FOXO1: variants seen among roughly 807,000 people sequenced by gnomAD.
FOXO1 encodes the protein forkhead box protein O1.
FOXO1 carries 6 observed loss-of-function variants against 44.1 expected under a neutral mutation model. That is an observed-to-expected ratio of 0.14 (90% CI 0.07 to 0.27). FOXO1 has a LOEUF of 0.27. Among genes scored for constraint, FOXO1 ranks in the 10% least tolerant of loss-of-function variants. FOXO1 has a pLI of 1.00. For synonymous variants in FOXO1, 380 were observed against 362.7 expected (o/e 1.05, Z -0.54); for missense variants, 737 against 888.8 (o/e 0.83, Z 2.17).
chr13:40,576,966 AAAAGGAAATT>A (rs1398802706), intron 1 of FOXO1, among the ~76,000 whole-genome samples: 1 of 152,230 alleles, frequency 6.6e-6, no homozygotes, highest in Non-Finnish European at 1.5e-5. Context: ...TTGAACAGCT[AAAAGGAAATT>A]AAAGGAAATA....
chr13:40,620,532 G>T, intron 1 of FOXO1: 1 of 448,280 alleles, frequency 2.2e-6, no homozygotes, highest in South Asian at 2.5e-5. Flanking sequence ...AACCACTAGA[G>T]AGAAGCTCTG....
chr13:40,663,319 A>G (rs1039574806), intron 1 of FOXO1, among the ~76,000 whole-genome samples: 1 of 152,254 alleles, frequency 6.6e-6, no homozygotes, highest in Non-Finnish European at 1.5e-5. Flanking sequence ...TTAAAAACCT[A>G]AATCTTAAAA....
Position 40,666,311 on chromosome 13 carries a change from T to C in FOXO1, c.-99A>G. ...GGGGGCGCGAAGGGACGGTCCGAGA[T>C]TTGGGGGAACGAAGCCGGTGCGGCG... On this transcript the variant is annotated 5_prime_UTR_variant, in exon 1 of 3. Transcript: ENST00000379561. 9.9e-7 allele frequency: 1 copy of C among 1,009,144 alleles called. No individual in the cohort carries two copies. The allele number at this position is 1,009,144 out of a possible 1,614,324, so 62.5% of individuals were successfully genotyped here.
At chr13:40,629,064 A>G (rs1876877755) in intron 1 of FOXO1, among the ~76,000 whole-genome samples, 1 of 152,216 alleles carries the variant, frequency 6.6e-6, no homozygotes, top group Non-Finnish European at 1.5e-5. Flanking sequence ...TGAATTCAAC[A>G]AGGGATTGAA....
rs1337065755 is a variant in FOXO1, at chr13:40,666,343, C to T, written c.-131G>A. 7.1e-6 allele frequency: 5 copies of T among 707,552 alleles called. No homozygotes were observed. The highest frequency in any genetic ancestry group is 1.0e-5 in the Non-Finnish European group (5 of 484,194). The allele number at this position is 707,552 out of a possible 1,614,324, so 43.8% of individuals were successfully genotyped here. ...GAACGAAGCCGGTGCGGCGAGCGGA[C>T]GGAAACTGGGAGGAAGGCGCGGCGG... On this transcript the variant is annotated 5_prime_UTR_variant, in exon 1 of 3. Transcript: ENST00000379561.
intron 1 of FOXO1, among the ~76,000 whole-genome samples, chr13:40,628,555 C>T (rs767471096): frequency 1.1e-4 from 17 of 152,102 alleles, no homozygotes; most frequent in Non-Finnish European, 7.4e-5. Flanking sequence ...TTTTTGTTCA[C>T]GCTACTACCA....
intron 1 of FOXO1, among the ~76,000 whole-genome samples, chr13:40,627,558 CGTG>C (rs1876825256): frequency 6.6e-6 from 1 of 152,018 alleles, no homozygotes; most frequent in Admixed American, 6.6e-5. Context: ...CCTGGCCAAG[CGTG>C]GTGGCTCATG....
At chr13:40,597,682 G>A (rs1593393755) in intron 1 of FOXO1, among the ~76,000 whole-genome samples, 1 of 152,300 alleles carries the variant, frequency 6.6e-6, no homozygotes, top group East Asian at 1.9e-4. Flanking sequence ...ATTCAGGGCA[G>A]AAAGTAATGG....
At chr13:40,580,595 A>ATAT (rs1874918170) in intron 1 of FOXO1, among the ~76,000 whole-genome samples, 1 of 152,156 alleles carries the variant, frequency 6.6e-6, no homozygotes, top group South Asian at 2.1e-4. Context: ...GCACTTATAA[A>ATAT]TATTAGATAT....
intron 1 of FOXO1, among the ~76,000 whole-genome samples, chr13:40,616,065 G>T (rs1876413016): frequency 1.3e-5 from 2 of 152,218 alleles, no homozygotes. Context: ...AGTGGAAGGG[G>T]TAAGAAGTAA....
intron 1 of FOXO1, among the ~76,000 whole-genome samples, chr13:40,582,315 G>A (rs1490914414): frequency 6.6e-6 from 1 of 152,186 alleles, no homozygotes; most frequent in Non-Finnish European, 1.5e-5. Flanking sequence ...ATCGGTTGCT[G>A]GAGGGCCTTT....
At chr13:40,664,423 TTCTCC>T (rs1878147562) in intron 1 of FOXO1, among the ~76,000 whole-genome samples, 1 of 151,578 alleles carries the variant, frequency 6.6e-6, no homozygotes, top group Non-Finnish European at 1.5e-5. Context: ...CCCCCGGGCC[TTCTCC>T]TCGGAGTCGG....
chr13:40,649,623 C>T (rs1877615796), intron 1 of FOXO1, among the ~76,000 whole-genome samples: 1 of 152,200 alleles, frequency 6.6e-6, no homozygotes, highest in Non-Finnish European at 1.5e-5. Context: ...AGATCATTTA[C>T]ATCGTTCAAT....
intron 1 of FOXO1, among the ~76,000 whole-genome samples, chr13:40,588,015 G>C (rs1340219115): frequency 6.6e-6 from 1 of 152,148 alleles, no homozygotes; most frequent in Non-Finnish European, 1.5e-5. Flanking sequence ...ACAGAGTACA[G>C]AGCACTACTG....
intron 1 of FOXO1, among the ~76,000 whole-genome samples, chr13:40,657,086 T>C (rs1274192618): frequency 6.6e-6 from 1 of 152,112 alleles, no homozygotes; most frequent in Non-Finnish European, 1.5e-5. Context: ...GAGAAACTGA[T>C]GCTTCCCATA....
At chr13:40,602,069 A>G (rs568548988) in intron 1 of FOXO1, among the ~76,000 whole-genome samples, 14 of 152,330 alleles carry the variant, frequency 9.2e-5, no homozygotes, top group African/African-American at 3.4e-4. Flanking sequence ...AGCAAAAGAC[A>G]AGCATTCTGG....
intron 1 of FOXO1, among the ~76,000 whole-genome samples, chr13:40,659,266 G>C (rs1229365536): frequency 7.1e-6 from 1 of 141,376 alleles, no homozygotes; most frequent in East Asian, 2.2e-4. Flanking sequence ...AGGGGGCTGA[G>C]ATCACGCCAC....
At chr13:40,656,467 GTTAATT>G (rs1483048581) in intron 1 of FOXO1, among the ~76,000 whole-genome samples, 2 of 152,180 alleles carry the variant, frequency 1.3e-5, no homozygotes, top group Non-Finnish European at 2.9e-5. Flanking sequence ...CCTCACTGAA[GTTAATT>G]TTAAAGAACA....
chr13:40,574,379 G>A lies in FOXO1; in HGVS notation c.631-13519C>T, dbSNP rs555828973. 2.6e-5 allele frequency among the ~76,000 whole-genome samples: 4 copies of A among 152,302 alleles called. No homozygotes were observed. In the East Asian group the frequency reaches 7.7e-4, roughly 29 times the overall value. On this transcript the variant is annotated intron_variant, in intron 1 of 2. Transcript: ENST00000379561. ...AATCTGAGCTGTATGATGCCCTGGTGTCTCCGTACCAAATAACTGAATGGT... is the reference window on the plus strand; with the variant it reads ...AATCTGAGCTGTATGATGCCCTGGTATCTCCGTACCAAATAACTGAATGGT...
Sources: allele counts gnomAD v4.1 joint callset (sites outside exome capture counted in the v4.1 genomes callset), GRCh38; gene constraint gnomAD v4.1.1; transcripts MANE v1.5; gene names NCBI Gene and HGNC (gene_info 2026-07-23, HGNC 2026-07-21).